Variants in USH2A observed in about 807,000 individuals in gnomAD.
USH2A encodes the protein usherin.
In USH2A, 443 loss-of-function variants were observed where a neutral mutation model predicts 538.9. The ratio of observed to expected loss-of-function variants is 0.82; its 90% confidence interval spans 0.76 to 0.89. The LOEUF is 0.89. Among genes scored for constraint, USH2A ranks in the 40% least tolerant of loss-of-function variants. The probability of loss-of-function intolerance (pLI) is 0.00; values close to 1 mark genes in which losing one functional copy is unlikely to be tolerated. For synonymous variants in USH2A, 2,413 were observed against 2,273.5 expected (o/e 1.06, Z -1.75); for missense variants, 6,633 against 6,324.8 (o/e 1.05, Z -1.65).
At chr1:215,901,742 A>T (rs889971774) in intron 38 of USH2A, among the ~76,000 whole-genome samples, 18 of 152,300 alleles carry the variant, frequency 1.2e-4, no homozygotes, top group South Asian at 6.2e-4. Flanking sequence ...AGTTGATAAG[A>T]TGACTCTGGT....
At position 215,640,497 on chromosome 1, in the gene USH2A, A is replaced by G. The variant is rs1656637180; in HGVS notation, c.14968+61T>C. 1.9e-6 allele frequency: 3 copies of G among 1,605,622 alleles called. No individual in the cohort carries two copies. In the African/African-American group the frequency reaches 4.0e-5, roughly 21 times the overall value. ...CTGCTGGTCAGCTTTCAGATTTAGC[A>G]TCCCGTAAAGCTGGGGAACAGAGCG... On this transcript the variant is annotated intron_variant, in intron 68 of 71. Coordinates refer to ENST00000307340, the MANE Select transcript of USH2A (RefSeq NM_206933.4).
chr1:216,275,197 T>C (rs2036649328), intron 11 of USH2A, among the ~76,000 whole-genome samples: 1 of 152,026 alleles, frequency 6.6e-6, no homozygotes, highest in Non-Finnish European at 1.5e-5. Flanking sequence ...ATATAAGCTA[T>C]AATGTGTAAA....
intron 61 of USH2A, among the ~76,000 whole-genome samples, chr1:215,684,548 T>C (rs1658346265): frequency 6.6e-6 from 1 of 152,200 alleles, no homozygotes; most frequent in Non-Finnish European, 1.5e-5. Context: ...TGGGGTGTAT[T>C]TTCACTAAGC....
At chr1:215,925,333 T>G (rs897855307) in intron 38 of USH2A, among the ~76,000 whole-genome samples, 1 of 152,158 alleles carries the variant, frequency 6.6e-6, no homozygotes, top group African/African-American at 2.4e-5. Flanking sequence ...TTATTAAGAA[T>G]TTAAATACTT....
chr1:216,345,041 G>T (rs945142485), intron 4 of USH2A, among the ~76,000 whole-genome samples: 1 of 151,894 alleles, frequency 6.6e-6, no homozygotes, highest in South Asian at 2.1e-4. Context: ...TACTGGAAAA[G>T]ATCCCTTCAT....
At chr1:215,894,542 TG>T (rs1158383686) in intron 40 of USH2A, among the ~76,000 whole-genome samples, 1 of 152,056 alleles carries the variant, frequency 6.6e-6, no homozygotes, top group African/African-American at 2.4e-5. Context: ...ACAGGAAAAA[TG>T]GTTTTGTTTT....
At chr1:215,817,253 T>C in intron 47 of USH2A, 58 bp from the exon 48 acceptor site, 3 of 1,549,364 alleles carry the variant, frequency 1.9e-6, no homozygotes, top group Non-Finnish European at 2.7e-6. Flanking sequence ...ATTGATGCTA[T>C]CAGTCTTAAG....
intron 38 of USH2A, among the ~76,000 whole-genome samples, chr1:215,926,955 A>G (rs1044306638): frequency 3.3e-5 from 5 of 151,980 alleles, no homozygotes; most frequent in African/African-American, 1.2e-4. Flanking sequence ...AAAAATTTAC[A>G]TTTACTCTGT....
intron 15 of USH2A, among the ~76,000 whole-genome samples, chr1:216,214,153 T>C (rs1287279051): frequency 6.6e-6 from 1 of 152,114 alleles, no homozygotes; most frequent in East Asian, 1.9e-4. Context: ...TCCTAAAACA[T>C]TAAAAATATA....
intron 21 of USH2A, among the ~76,000 whole-genome samples, chr1:216,130,528 AT>A (rs1368713254): frequency 2.0e-5 from 3 of 146,412 alleles, no homozygotes; most frequent in Non-Finnish European, 4.5e-5. Flanking sequence ...CATCATATAT[AT>A]TTATATATAT....
At chr1:215,855,596 A>G (rs1664142268) in intron 44 of USH2A, among the ~76,000 whole-genome samples, 1 of 152,158 alleles carries the variant, frequency 6.6e-6, no homozygotes, top group Non-Finnish European at 1.5e-5. Context: ...AATTCAATGC[A>G]ATTCCCATCA....
In USH2A at chr1:215,779,751, A is replaced by C. The variant is rs541219825; in HGVS notation, c.10939+92T>G. 445 of 1,474,054 alleles carry C rather than the reference A, an allele frequency of 3.0e-4. 1 individual carries two copies. The African/African-American group carries it at 5.8e-3, about 19-fold the overall frequency. The allele number at this position is 1,474,054 out of a possible 1,614,324, so 91.3% of individuals were successfully genotyped here. Reference sequence around the variant, plus strand: ...GAACACGTCCTTTCGAAGTGACCTCATATATCAAACACACACCCCTGGGAT... The same window carrying C: ...GAACACGTCCTTTCGAAGTGACCTCCTATATCAAACACACACCCCTGGGAT... On this transcript the variant is annotated intron_variant, in intron 55 of 71. Coordinates refer to ENST00000307340, the MANE Select transcript of USH2A (RefSeq NM_206933.4).
In USH2A at chr1:215,717,703, G is replaced by A. The variant is rs1258483552; in HGVS notation, c.12066+10327C>T. On this transcript the variant is annotated intron_variant, in intron 61 of 71. Coordinates refer to ENST00000307340, the MANE Select transcript of USH2A (RefSeq NM_206933.4). The stretch of plus-strand genomic sequence containing the variant: ...GAAGAGCCCTGTATTTCTTGGTCTT[G>A]ATCACTGAATTAGATTTGATGTGTC... 3.9e-5 allele frequency among the ~76,000 whole-genome samples: 6 copies of A among 152,122 alleles called. No homozygotes were observed. In the East Asian group the frequency reaches 1.2e-3, roughly 29 times the overall value.
chr1:215,705,222 T>G (rs1659152197), intron 61 of USH2A, among the ~76,000 whole-genome samples: 1 of 152,230 alleles, frequency 6.6e-6, no homozygotes, highest in Admixed American at 6.5e-5. Context: ...AGATGTGTAT[T>G]TTATACTTAT....
intron 4 of USH2A, among the ~76,000 whole-genome samples, chr1:216,355,780 C>T (rs2038383349): frequency 6.6e-6 from 1 of 152,042 alleles, no homozygotes; most frequent in Non-Finnish European, 1.5e-5. Flanking sequence ...TGAATCTAAA[C>T]TGGACTTTTT....
chr1:215,727,258 CATACATAT>C (rs2102712475), intron 61 of USH2A, among the ~76,000 whole-genome samples: 1 of 152,076 alleles, frequency 6.6e-6, no homozygotes, highest in South Asian at 2.1e-4. Flanking sequence ...CATGTATACA[CATACATAT>C]ATACATATAC....
intron 3 of USH2A, among the ~76,000 whole-genome samples, chr1:216,386,822 T>C (rs1025784371): frequency 2.0e-5 from 3 of 151,916 alleles, no homozygotes; most frequent in Non-Finnish European, 4.4e-5. Context: ...GCCACTGCAA[T>C]CCAGCCTGGG....
At chr1:215,963,679 T>G (rs1667258204) in intron 37 of USH2A, among the ~76,000 whole-genome samples, 1 of 152,136 alleles carries the variant, frequency 6.6e-6, no homozygotes, top group Non-Finnish European at 1.5e-5. Context: ...TTCCTCCAGC[T>G]CTACATAAAT....
chr1:215,954,711 T>A (rs1004869117), intron 37 of USH2A, among the ~76,000 whole-genome samples: 71 of 151,328 alleles, frequency 4.7e-4, no homozygotes, highest in Admixed American at 1.0e-3. Context: ...ACTTGAAGTA[T>A]AATAATAATA....
Sources: gnomAD v4.1 joint callset for allele counts (sites outside exome capture counted in the v4.1 genomes callset) on GRCh38, gnomAD v4.1.1 for gene constraint, MANE v1.5 for transcripts, NCBI Gene and HGNC (gene_info 2026-07-23, HGNC 2026-07-21) for gene names.